Variants in RSPO4 observed in about 807,000 individuals in gnomAD.
RSPO4 encodes R-spondin 4.
A neutral mutation model predicts 24.8 loss-of-function variants in RSPO4; 23 were observed. That is an observed-to-expected ratio of 0.93 (90% CI 0.67 to 1.31). The LOEUF is 1.31. RSPO4 is among the 40% of genes most tolerant of loss of function. The probability of loss-of-function intolerance (pLI) is 0.00; values close to 1 mark genes in which losing one functional copy is unlikely to be tolerated. For synonymous variants in RSPO4, 141 were observed against 127.4 expected (o/e 1.11, Z -0.72); for missense variants, 333 against 316.5 (o/e 1.05, Z -0.39).
At chr20:996,122 T>C (rs1985277081) in intron 1 of RSPO4, among the ~76,000 whole-genome samples, 1 of 151,938 alleles carries the variant, frequency 6.6e-6, no homozygotes, top group South Asian at 2.1e-4. Flanking sequence ...TGACAGATTG[T>C]ATGTGGTTTG....
chr20:980,597 T>C (rs933289960), intron 1 of RSPO4, among the ~76,000 whole-genome samples: 6 of 152,104 alleles, frequency 3.9e-5, no homozygotes, highest in Non-Finnish European at 8.8e-5. Context: ...TGAAGAAAAA[T>C]TACCTGCTAA....
At chr20:996,754 G>A (rs2122277355) in intron 1 of RSPO4, among the ~76,000 whole-genome samples, 1 of 152,200 alleles carries the variant, frequency 6.6e-6, no homozygotes, top group Non-Finnish European at 1.5e-5. Flanking sequence ...ATGGTGACTG[G>A]AGAGTGGCAC....
chr20:964,795 T>TACACACACAC lies in RSPO4; in HGVS notation c.410-676_410-675insGTGTGTGTGT, dbSNP rs1327859655. On this transcript the variant is annotated intron_variant, in intron 3 of 4. Coordinates refer to ENST00000217260, the MANE Select transcript of RSPO4 (RefSeq NM_001029871.4). ...ACACACACATATATATATACACATA[T>TACACACACAC]ATACACACATACACACACACACACA... Among the ~76,000 whole-genome samples, 244 of 108,562 alleles carry TACACACACAC rather than the reference T, an allele frequency of 2.2e-3. 1 individual carries two copies. The highest frequency in any genetic ancestry group is 0.01 in the African/African-American group (228 of 22,658). 71.2% of individuals were successfully genotyped at this position (108,562 alleles called of 152,430 possible). A position where few individuals can be genotyped will look rare whatever the true frequency, so the allele number is the denominator to read the frequency against.
At position 960,259 on chromosome 20, in the gene RSPO4, A is replaced by G; in HGVS notation, c.*98T>C. ...GGAAAGAAAGAGAGGACAAATGGAGAAGACAGAGGAGAAAGAGTAAGAGGA... is the reference window on the plus strand; with the variant it reads ...GGAAAGAAAGAGAGGACAAATGGAGGAGACAGAGGAGAAAGAGTAAGAGGA... On this transcript the variant is annotated 3_prime_UTR_variant, in exon 5 of 5. Transcript: ENST00000217260. The G allele has an allele frequency of 2.5e-5, 19 of 750,924 alleles. No individual in the cohort carries two copies. The South Asian group carries it at 2.7e-4, about 11-fold the overall frequency. 46.5% of individuals were successfully genotyped at this position (750,924 alleles called of 1,614,324 possible).
At chr20:979,408 C>T (rs1032567205) in intron 1 of RSPO4, among the ~76,000 whole-genome samples, 2 of 152,362 alleles carry the variant, frequency 1.3e-5, no homozygotes. Context: ...CAACTCCTGA[C>T]TAACCCTGAG....
intron 1 of RSPO4, among the ~76,000 whole-genome samples, chr20:986,451 C>A (rs1263528399): frequency 6.6e-6 from 1 of 152,032 alleles, no homozygotes; most frequent in East Asian, 1.9e-4. Flanking sequence ...TATCTCCCTA[C>A]AGGGCAAATC....
At chr20:985,107 C>A (rs895212265) in intron 1 of RSPO4, among the ~76,000 whole-genome samples, 6 of 144,762 alleles carry the variant, frequency 4.1e-5, no homozygotes, top group Non-Finnish European at 7.5e-5. Context: ...ACCCATCTAT[C>A]CATCCATCCA....
intron 4 of RSPO4, among the ~76,000 whole-genome samples, chr20:962,962 AG>A (rs1278883014): frequency 6.6e-6 from 1 of 152,238 alleles, no homozygotes; most frequent in African/African-American, 2.4e-5. Flanking sequence ...AGATTACATG[AG>A]TTAACGATTA....
chr20:983,197 C>A (rs569061369), intron 1 of RSPO4, among the ~76,000 whole-genome samples: 13 of 152,314 alleles, frequency 8.5e-5, no homozygotes, highest in African/African-American at 2.9e-4. Context: ...GGAATTAGGA[C>A]CTTTGCTCCT....
intron 1 of RSPO4, among the ~76,000 whole-genome samples, chr20:977,893 C>T (rs959830963): frequency 6.6e-6 from 1 of 152,212 alleles, no homozygotes; most frequent in Non-Finnish European, 1.5e-5. Context: ...ACGCATGTCA[C>T]CGATGACCAA....
chr20:990,989 G>A (rs528443013), intron 1 of RSPO4, among the ~76,000 whole-genome samples: 10 of 152,244 alleles, frequency 6.6e-5, no homozygotes, highest in South Asian at 4.1e-4. Context: ...TCCCACTAGC[G>A]TCCTCAGGAA....
At chr20:986,327 AG>A (rs1984920300) in intron 1 of RSPO4, among the ~76,000 whole-genome samples, 1 of 152,188 alleles carries the variant, frequency 6.6e-6, no homozygotes, top group South Asian at 2.1e-4. Context: ...TGGAGGCCAC[AG>A]CAGCATCAGG....
intron 1 of RSPO4, among the ~76,000 whole-genome samples, chr20:998,418 A>G (rs1395007189): frequency 6.6e-6 from 1 of 152,226 alleles, no homozygotes; most frequent in Non-Finnish European, 1.5e-5. Context: ...TCATTAATCA[A>G]CATGCTGTTT....
At chr20:996,823 G>A (rs1036889233) in intron 1 of RSPO4, among the ~76,000 whole-genome samples, 2 of 150,978 alleles carry the variant, frequency 1.3e-5, no homozygotes, top group African/African-American at 4.9e-5. Flanking sequence ...CACTTCCTTC[G>A]GCCACGCAGT....
Position 982,855 on chromosome 20 carries a change from G to A in RSPO4, c.80-14717C>T, listed in dbSNP as rs368485050. The stretch of plus-strand genomic sequence containing the variant: ...CTCAGGGCTCTTGATGGTAGCAGAG[G>A]CCTCTCGTGGCTCTTTGGGAGGCTG... On this transcript the variant is annotated intron_variant, in intron 1 of 4. Coordinates refer to ENST00000217260, the MANE Select transcript of RSPO4 (RefSeq NM_001029871.4). Among the ~76,000 whole-genome samples the A allele has an allele frequency of 1.4e-4, 21 of 152,374 alleles. No individual in the cohort carries two copies. In the South Asian group the frequency reaches 4.4e-3, roughly 32 times the overall value.
chr20:989,166 T>C (rs1012024060), intron 1 of RSPO4, among the ~76,000 whole-genome samples: 1 of 152,120 alleles, frequency 6.6e-6, no homozygotes, highest in African/African-American at 2.4e-5. Flanking sequence ...GAGTCACCTA[T>C]TCTCACAACC....
chr20:968,219 C>A, intron 1 of RSPO4, 81 bp from the exon 2 acceptor site: 1 of 1,324,324 alleles, frequency 7.6e-7, no homozygotes, highest in South Asian at 1.2e-5. Flanking sequence ...CTGAGATGGT[C>A]TCATTGGGAT....
intron 1 of RSPO4, among the ~76,000 whole-genome samples, chr20:986,323 C>T (rs557467475): frequency 6.6e-6 from 1 of 152,196 alleles, no homozygotes; most frequent in Non-Finnish European, 1.5e-5. Context: ...ATTGTGGAGG[C>T]CACAGCAGCA....
chr20:976,478 C>G (rs1024481350), intron 1 of RSPO4, among the ~76,000 whole-genome samples: 2 of 152,196 alleles, frequency 1.3e-5, no homozygotes, highest in African/African-American at 4.8e-5. Context: ...ATAAGGGTCC[C>G]TAAGCTCAGG....
Sources: gnomAD v4.1 joint callset for allele counts (sites outside exome capture counted in the v4.1 genomes callset) on GRCh38, gnomAD v4.1.1 for gene constraint, MANE v1.5 for transcripts, NCBI Gene and HGNC (gene_info 2026-07-23, HGNC 2026-07-21) for gene names.